PCCA: variants seen among roughly 807,000 people sequenced by gnomAD.
PCCA encodes the protein propionyl-CoA carboxylase alpha chain, mitochondrial.
PCCA carries 74 observed loss-of-function variants against 101.3 expected under a neutral mutation model. The observed-to-expected ratio is 0.73, with a 90% CI of 0.61 to 0.89. The LOEUF (loss-of-function observed/expected upper bound fraction) is 0.89, where lower values mean the gene tolerates loss of function less well. Ranked by LOEUF, PCCA falls within the 40% of genes least tolerant of loss-of-function variation. The pLI is 0.00. For missense variants in PCCA, 891 were observed against 907.0 expected (o/e 0.98, Z 0.23); for synonymous variants, 294 against 313.6 (o/e 0.94, Z 0.66).
chr13:100,205,381 A>G (rs1359237158), intron 6 of PCCA, among the ~76,000 whole-genome samples: 1 of 152,144 alleles, frequency 6.6e-6, no homozygotes, highest in Non-Finnish European at 1.5e-5. Context: ...ATTTTGCTTT[A>G]ATTACTTTTA....
chr13:100,121,979 G>T lies in PCCA; in HGVS notation c.300+9918G>T, dbSNP rs141556138. On this transcript the variant is annotated intron_variant, in intron 4 of 23. Coordinates refer to ENST00000376285, the MANE Select transcript of PCCA (RefSeq NM_000282.4). ...CATTTCACCCTTAAATTTGATTTAGGCTCTGGTATTTTCATAGACTTTCAT... is the reference window on the plus strand; with the variant it reads ...CATTTCACCCTTAAATTTGATTTAGTCTCTGGTATTTTCATAGACTTTCAT... Among the ~76,000 whole-genome samples, 11 of 152,242 alleles carry T rather than the reference G, an allele frequency of 7.2e-5. No individual in the cohort carries two copies. In the East Asian group the frequency reaches 2.1e-3, roughly 29 times the overall value.
intron 19 of PCCA, among the ~76,000 whole-genome samples, chr13:100,409,305 A>G (rs966107144): frequency 6.6e-6 from 1 of 152,108 alleles, no homozygotes; most frequent in Non-Finnish European, 1.5e-5. Flanking sequence ...TGAGCCCCAC[A>G]TTGGGCGCCA....
chr13:100,473,212 GAACGCCCCACAA>G (rs2083153056), intron 21 of PCCA: 1 of 152,192 alleles, frequency 6.6e-6, no homozygotes, highest in African/African-American at 2.4e-5. Context: ...TCTTCTCCCA[GAACGCCCCACAA>G]GGGCCACCGC....
At chr13:100,110,501 G>A (rs1261065864) in intron 2 of PCCA, among the ~76,000 whole-genome samples, 1 of 152,172 alleles carries the variant, frequency 6.6e-6, no homozygotes, top group Non-Finnish European at 1.5e-5. Context: ...TAGGTCTCTA[G>A]ATAAACACAG....
intron 21 of PCCA, among the ~76,000 whole-genome samples, chr13:100,451,972 CTCTCCCTCTCTCTCTTT>C (rs1465708416): frequency 9.9e-6 from 1 of 100,706 alleles, no homozygotes; most frequent in Admixed American, 9.2e-5. Flanking sequence ...CCTCTCTCTC[CTCTCCCTCTCTCTCTTT>C]TCTCCCTCTC....
chr13:100,398,751 A>G (rs759762148), intron 19 of PCCA, among the ~76,000 whole-genome samples: 14 of 152,152 alleles, frequency 9.2e-5, no homozygotes, highest in Non-Finnish European at 1.6e-4. Flanking sequence ...TACATCTCCC[A>G]TACTTTTAGA....
intron 12 of PCCA, among the ~76,000 whole-genome samples, chr13:100,282,038 A>G (rs1048474590): frequency 3.9e-5 from 6 of 152,162 alleles, no homozygotes; most frequent in African/African-American, 1.2e-4. Context: ...GAAAAATGGT[A>G]TATTGTTTTC....
intron 10 of PCCA, among the ~76,000 whole-genome samples, chr13:100,263,434 G>A (rs1201418780): frequency 6.6e-6 from 1 of 152,140 alleles, no homozygotes; most frequent in Non-Finnish European, 1.5e-5. Context: ...TGAATTTTAA[G>A]TATTTTTTTA....
chr13:100,272,863 C>T (rs1400843778), intron 11 of PCCA, among the ~76,000 whole-genome samples: 1 of 152,072 alleles, frequency 6.6e-6, no homozygotes, highest in Non-Finnish European at 1.5e-5. Flanking sequence ...ATTTTTCTCC[C>T]AGTTTTTGGC....
At chr13:100,365,084 A>G (rs1004079022) in intron 18 of PCCA, among the ~76,000 whole-genome samples, 3 of 152,180 alleles carry the variant, frequency 2.0e-5, no homozygotes, top group African/African-American at 7.2e-5. Context: ...GAAAAGTGCC[A>G]CTGCAGGAGT....
intron 21 of PCCA, among the ~76,000 whole-genome samples, chr13:100,472,677 G>A (rs2083108601): frequency 6.6e-6 from 1 of 152,082 alleles, no homozygotes; most frequent in Admixed American, 6.6e-5. Context: ...GGGCTTTGGG[G>A]TGGTCTCTAT....
intron 18 of PCCA, among the ~76,000 whole-genome samples, chr13:100,359,465 GA>G (rs547899127): frequency 3.9e-5 from 6 of 152,210 alleles, no homozygotes; most frequent in African/African-American, 1.2e-4. Context: ...ACAATTGCTG[GA>G]ACTAACAAAT....
chr13:100,186,741 A>AAAAAAAAAAAC (rs2057305091), intron 6 of PCCA, among the ~76,000 whole-genome samples: 1 of 151,360 alleles, frequency 6.6e-6, no homozygotes, highest in Admixed American at 6.6e-5. Context: ...TCCATCTCAA[A>AAAAAAAAAAAC]AAAAAAACAA....
At chr13:100,329,914 A>C (rs1423574483) in intron 16 of PCCA, among the ~76,000 whole-genome samples, 1 of 152,214 alleles carries the variant, frequency 6.6e-6, no homozygotes, top group Non-Finnish European at 1.5e-5. Flanking sequence ...CAAAAACTGC[A>C]ATGCTTGCAG....
At chr13:100,376,012 G>A (rs559538755) in intron 19 of PCCA, among the ~76,000 whole-genome samples, 35 of 152,236 alleles carry the variant, frequency 2.3e-4, no homozygotes, top group African/African-American at 7.0e-4. Flanking sequence ...GGTGACCTTC[G>A]GATGGGGTTT....
intron 19 of PCCA, among the ~76,000 whole-genome samples, 172 bp downstream of exon 19, chr13:100,368,746 A>G (rs1047986611): frequency 2.6e-5 from 4 of 152,128 alleles, no homozygotes; most frequent in Admixed American, 2.6e-4. Context: ...TCTTATGCTT[A>G]TTAGGAAATA....
intron 17 of PCCA, among the ~76,000 whole-genome samples, chr13:100,337,099 G>A (rs2070598908): frequency 6.6e-6 from 1 of 152,138 alleles, no homozygotes; most frequent in Non-Finnish European, 1.5e-5. Context: ...AGGAAGAATT[G>A]GAGAGCTTTT....
chr13:100,089,266 G>A (rs539456700), intron 1 of PCCA, 41 bp downstream of exon 1: 3 of 1,428,524 alleles, frequency 2.1e-6, no homozygotes, highest in Admixed American at 2.7e-5. Context: ...GCTTCACTGG[G>A]CTTCTAGCCG....
At chr13:100,251,719 A>G (rs2061763724) in intron 8 of PCCA, among the ~76,000 whole-genome samples, 5 of 152,230 alleles carry the variant, frequency 3.3e-5, no homozygotes. Context: ...AATGGATGCC[A>G]TCTTAAGTAA....
Sources: gnomAD v4.1 joint callset for allele counts (sites outside exome capture counted in the v4.1 genomes callset) on GRCh38, gnomAD v4.1.1 for gene constraint, MANE v1.5 for transcripts, NCBI Gene and HGNC (gene_info 2026-07-23, HGNC 2026-07-21) for gene names.